The following C10orf67 variants were observed in gnomAD, a reference collection of about 807,000 sequenced individuals.
C10orf67 encodes the protein uncharacterized protein C10orf67, mitochondrial.
In C10orf67, 60 loss-of-function variants were observed where a neutral mutation model predicts 35.6. The observed-to-expected ratio is 1.68, with a 90% CI of 1.37 to 2.09. The LOEUF (loss-of-function observed/expected upper bound fraction) is 2.09. Ranked by LOEUF, C10orf67 falls within the 30% of genes most tolerant of loss-of-function variation. The pLI is 0.00. For missense variants in C10orf67, 474 were observed against 330.2 expected (o/e 1.44, Z -3.38); for synonymous variants, 167 against 115.8 (o/e 1.44, Z -2.84).
chr10:23,253,756 G>A (rs1174220461), intron 10 of C10orf67, among the ~76,000 whole-genome samples: 1 of 152,004 alleles, frequency 6.6e-6, no homozygotes, highest in Non-Finnish European at 1.5e-5. Context: ...GATCAACTAT[G>A]TAATAACTAG....
intron 5 of C10orf67, among the ~76,000 whole-genome samples, chr10:23,294,094 C>T (rs566291349): frequency 6.6e-6 from 1 of 152,318 alleles, no homozygotes; most frequent in African/African-American, 2.4e-5. Flanking sequence ...GAGCAGAGTT[C>T]TGATGCAAGC....
chr10:23,253,442 A>G (rs1316487523), intron 10 of C10orf67, among the ~76,000 whole-genome samples: 1 of 152,142 alleles, frequency 6.6e-6, no homozygotes, highest in African/African-American at 2.4e-5. Flanking sequence ...CTGCCATTTG[A>G]TTAACAGTAG....
At chr10:23,215,714 C>G (rs1841413973) in intron 15 of C10orf67, among the ~76,000 whole-genome samples, 1 of 152,034 alleles carries the variant, frequency 6.6e-6, no homozygotes. Context: ...AGACCAAACT[C>G]AGAAGGAAAA....
intron 13 of C10orf67, among the ~76,000 whole-genome samples, chr10:23,229,835 C>T (rs959007231): frequency 6.6e-6 from 1 of 151,908 alleles, no homozygotes. Context: ...GAAATAATAC[C>T]TAAACAAAAT....
chr10:23,212,081 T>G (rs956764339), intron 15 of C10orf67, among the ~76,000 whole-genome samples: 8 of 152,288 alleles, frequency 5.3e-5, no homozygotes, highest in African/African-American at 1.9e-4. Flanking sequence ...CTTAACCCAG[T>G]ATGTCTGTGT....
chr10:23,278,679 G>C (rs1843268152), intron 8 of C10orf67, among the ~76,000 whole-genome samples: 1 of 152,176 alleles, frequency 6.6e-6, no homozygotes, highest in Non-Finnish European at 1.5e-5. Flanking sequence ...TTTCCCAGAG[G>C]AGGCAGCATC....
intron 12 of C10orf67, among the ~76,000 whole-genome samples, chr10:23,249,131 CAAAAAAAAAAAAAAAAAA>C (rs57702096): frequency 1.8e-3 from 39 of 21,568 alleles, no homozygotes; most frequent in African/African-American, 4.6e-3. Context: ...AACTCCCTCT[CAAAAAAAAAAAAAAAAAA>C]AAAAAAAAAA....
chr10:23,217,043 A>T (rs538667929), intron 15 of C10orf67, among the ~76,000 whole-genome samples: 1 of 152,358 alleles, frequency 6.6e-6, no homozygotes, highest in South Asian at 2.1e-4. Context: ...ATGTCTATAA[A>T]TAAAATTATT....
intron 12 of C10orf67, among the ~76,000 whole-genome samples, chr10:23,249,988 A>G (rs1437540444): frequency 6.6e-6 from 1 of 152,212 alleles, no homozygotes; most frequent in East Asian, 1.9e-4. Context: ...GGCAAAGAGG[A>G]CACTGGGAAG....
intron 15 of C10orf67, among the ~76,000 whole-genome samples, chr10:23,223,025 TA>T (rs1289766849): frequency 6.6e-6 from 1 of 152,010 alleles, no homozygotes; most frequent in Non-Finnish European, 1.5e-5. Flanking sequence ...AGTTTAATTT[TA>T]AAAAAAGAAA....
intron 1 of C10orf67, among the ~76,000 whole-genome samples, chr10:23,335,775 TG>T (rs780777851): frequency 6.6e-6 from 1 of 152,178 alleles, no homozygotes; most frequent in Non-Finnish European, 1.5e-5. Context: ...TCTGAGGTAG[TG>T]GTGAGCCTCA....
intron 8 of C10orf67, among the ~76,000 whole-genome samples, chr10:23,270,224 A>G (rs761336400): frequency 6.6e-6 from 1 of 152,204 alleles, no homozygotes; most frequent in African/African-American, 2.4e-5. Flanking sequence ...TGACCCACAG[A>G]GAATGAAGAA....
Position 23,203,291 on chromosome 10 carries a change from G to C in C10orf67, c.*882C>G, listed in dbSNP as rs1044882834. The C allele has an allele frequency of 5.3e-5, 8 of 152,210 alleles. No individual in the cohort carries two copies. The highest frequency in any genetic ancestry group is 1.2e-4 in the Non-Finnish European group (8 of 68,048). The allele number at this position is 152,210 out of a possible 1,614,324, so 9.4% of individuals were successfully genotyped here. On this transcript the variant is annotated 3_prime_UTR_variant, in exon 16 of 16. Coordinates refer to ENST00000636213, the MANE Select transcript of C10orf67 (RefSeq NM_001371909.1). ...CATGTACTTGCGTTGAAAAGAACAC[G>C]TCTCTCTCCAATTAAATCTTGTTCC... is the stretch of plus-strand genomic sequence containing the variant.
Position 23,232,707 on chromosome 10 carries a change from G to T in C10orf67, c.1434+7022C>A, listed in dbSNP as rs140026830. Among the ~76,000 whole-genome samples, 19 of 152,204 alleles carry T rather than the reference G, an allele frequency of 1.2e-4. No homozygotes were observed. In the East Asian group the frequency reaches 3.7e-3, roughly 29 times the overall value. On this transcript the variant is annotated intron_variant, in intron 13 of 15. Transcript: ENST00000636213. ...TTGAAGGGAGGTACAAACCAGAAAAGTTTCCAAAAAATGTCAAGGAAAAGA... is the reference window on the plus strand; with the variant it reads ...TTGAAGGGAGGTACAAACCAGAAAATTTTCCAAAAAATGTCAAGGAAAAGA...
intron 10 of C10orf67, 128 bp downstream of exon 10, chr10:23,266,134 G>A (rs1032739098): frequency 1.2e-4 from 45 of 378,068 alleles, no homozygotes; most frequent in Non-Finnish European, 5.9e-5. Flanking sequence ...ATAGGCAGCT[G>A]GAGCCCCCCA....
intron 8 of C10orf67, among the ~76,000 whole-genome samples, chr10:23,267,871 AGCCTGGGCAACAAGAGTGAAACTCAGTC>A (rs1842923417): frequency 1.3e-5 from 2 of 152,142 alleles, no homozygotes; most frequent in African/African-American, 2.4e-5. Flanking sequence ...ATTGCACTCC[AGCCTGGGCAACAAGAGTGAAACTCAGTC>A]TCAAAAAAAA....
chr10:23,257,913 C>A (rs1233372584), intron 10 of C10orf67, among the ~76,000 whole-genome samples: 2 of 152,046 alleles, frequency 1.3e-5, no homozygotes, highest in Admixed American at 6.5e-5. Flanking sequence ...CATACACATC[C>A]CCCCCACACA....
chr10:23,325,891 T>C (rs972821728), intron 2 of C10orf67, among the ~76,000 whole-genome samples: 3 of 151,876 alleles, frequency 2.0e-5, no homozygotes, highest in Admixed American at 6.6e-5. Flanking sequence ...AATTCCCAAA[T>C]TGAAAAATAC....
chr10:23,202,249 G>A (rs1841047914), downstream of C10orf67: 1 of 152,162 alleles, frequency 6.6e-6, no homozygotes, highest in Admixed American at 6.5e-5. Context: ...CTAGTTCTGC[G>A]GACCTCTTTG....
Sources: allele counts gnomAD v4.1 joint callset (sites outside exome capture counted in the v4.1 genomes callset), GRCh38; gene constraint gnomAD v4.1.1; transcripts MANE v1.5; gene names NCBI Gene and HGNC (gene_info 2026-07-23, HGNC 2026-07-21).